The following ZNF527 variants were observed in gnomAD, a reference collection of about 807,000 sequenced individuals.
ZNF527 encodes the protein zinc finger protein 527.
A neutral mutation model predicts 13.5 loss-of-function variants in ZNF527; 5 were observed. That is an observed-to-expected ratio of 0.37 (90% confidence interval 0.19 to 0.78). The LOEUF is 0.78. Ranked by LOEUF, ZNF527 falls within the 30% of genes least tolerant of loss-of-function variation. The pLI is 0.48. For missense variants in ZNF527, 628 were observed against 726.4 expected, an observed-to-expected ratio of 0.86 and a Z score of 1.56; for synonymous variants, 209 against 243.1, an observed-to-expected ratio of 0.86 and a Z score of 1.30.
intron 2 of ZNF527, among the ~76,000 whole-genome samples, chr19:37,375,643 G>A (rs2040602203): frequency 6.6e-6 from 1 of 152,032 alleles, no homozygotes; most frequent in African/African-American, 2.4e-5. Context: ...ACAGGGGTGA[G>A]CCAGTGTGCC....
intron 4 of ZNF527, among the ~76,000 whole-genome samples, chr19:37,387,195 G>C (rs190442725): frequency 6.6e-6 from 1 of 152,136 alleles, no homozygotes; most frequent in African/African-American, 2.4e-5. Flanking sequence ...GCCAAAATAC[G>C]TAGTTCTAAA....
chr19:37,377,484 G>C (rs989961735), intron 2 of ZNF527, among the ~76,000 whole-genome samples: 4 of 152,136 alleles, frequency 2.6e-5, no homozygotes, highest in African/African-American at 9.7e-5. Flanking sequence ...ATAGTAGAGT[G>C]GTTTTGCAGT....
intron 4 of ZNF527, 40 bp from the exon 5 acceptor site, chr19:37,388,266 A>G (rs991655920): frequency 1.8e-5 from 29 of 1,580,870 alleles, no homozygotes; most frequent in Admixed American, 3.7e-5. Context: ...CCTCATAGCA[A>G]AAGAACAAAG....
chr19:37,382,237 T>C (rs2431992), intron 4 of ZNF527, among the ~76,000 whole-genome samples: 148,804 of 152,194 alleles, frequency 0.98, 73,167 homozygotes, highest in Middle Eastern at 1. Flanking sequence ...GATATCACTC[T>C]TTCTGGCCCT....
chr19:37,388,916 T>C lies in ZNF527; in HGVS notation c.867T>C (p.Phe289=), dbSNP rs756080589. The change falls in exon 5 of 5, where the codon TTT becomes TTC. Residue 289 remains phenylalanine, a synonymous_variant. Transcript: ENST00000436120. ...CGDAFSCYSF[F]TQPQRIHSGE... ...ATGCCTTTAGCTGTTACTCATTCTT[T>C]ACTCAACCTCAGAGAATTCACAGTG... The C allele has an allele frequency of 2.9e-5, 46 of 1,613,992 alleles. 2 individuals are homozygous for C. The Middle Eastern group carries it at 3.5e-3, about 121-fold the overall frequency.
At chr19:37,372,966 C>T (rs73629682) in intron 1 of ZNF527, among the ~76,000 whole-genome samples, 3,245 of 152,220 alleles carry the variant, frequency 0.021, 114 homozygotes, top group African/African-American at 0.074. Context: ...ATTGATTACT[C>T]GGGTTGTGTT....
At chr19:37,374,627 A>G (rs941794306) in intron 2 of ZNF527, among the ~76,000 whole-genome samples, 1 of 151,966 alleles carries the variant, frequency 6.6e-6, no homozygotes, top group African/African-American at 2.4e-5. Context: ...GCTTTAAAAG[A>G]AGGAGTACAA....
chr19:37,388,171 A>C (rs117968782), intron 4 of ZNF527, 135 bp from the exon 5 acceptor site: 2 of 908,470 alleles, frequency 2.2e-6, no homozygotes. Context: ...TTGCATGGCC[A>C]TATTTGGGAG....
rs370811841 is a variant in ZNF527, at chr19:37,389,805, G to A, written c.1756G>A (p.Glu586Lys). 11 of 1,613,078 alleles carry A rather than the reference G, an allele frequency of 6.8e-6. No homozygotes were observed. The highest frequency in any genetic ancestry group is 5.0e-5 in the Admixed American group (3 of 59,984). The change falls in exon 5 of 5, where the codon GAA (glutamate) becomes AAA (lysine). Residue 586 changes from glutamate (E) to lysine (K), a missense_variant. This residue lies in a region of ZNF527 where 592 missense variants were observed against 678.0 expected (regional missense o/e 0.87). Transcript: ENST00000436120. ...TGGAGAAAAACCTTATAAATGTAAC[G>A]AATGTGGGAATAATTTTAGCTGTGT... ...HAGEKPYKCN[E>K]CGNNFSCVSA...
At chr19:37,371,679 TG>T (rs2040557966) in intron 1 of ZNF527, among the ~76,000 whole-genome samples, 1 of 152,348 alleles carries the variant, frequency 6.6e-6, no homozygotes, top group Admixed American at 6.5e-5. Context: ...GGTATAGTTT[TG>T]TATCAGTAAT....
intron 3 of ZNF527, chr19:37,379,456 ATTTC>A: frequency 3.3e-6 from 1 of 301,920 alleles, no homozygotes; most frequent in Non-Finnish European, 5.7e-6. Context: ...ACATGAAGTA[ATTTC>A]TTTTTTTTTT....
chr19:37,372,323 C>A (rs1242902300), intron 1 of ZNF527, among the ~76,000 whole-genome samples: 1 of 151,848 alleles, frequency 6.6e-6, no homozygotes. Flanking sequence ...CAATTTCAAG[C>A]TGCACTACAC....
intron 4 of ZNF527, among the ~76,000 whole-genome samples, chr19:37,387,953 G>A (rs2040713677): frequency 1.3e-5 from 2 of 152,210 alleles, no homozygotes; most frequent in African/African-American, 4.8e-5. Context: ...AGAATGGACA[G>A]GAGGGCTTAA....
chr19:37,384,494 C>T lies in ZNF527; in HGVS notation c.257-3812C>T, dbSNP rs77188308. On this transcript the variant is annotated intron_variant, in intron 4 of 4. Coordinates refer to ENST00000436120, the MANE Select transcript of ZNF527 (RefSeq NM_032453.2). ...GCCTAGGCTAGGTGACAGAGCAAGA[C>T]CCTGTCTCAAAAAAAAAAACAAAAT... 2.1e-3 allele frequency among the ~76,000 whole-genome samples: 320 copies of T among 151,654 alleles called. 1 individual carries two copies. Among genetic ancestry groups the T allele is most frequent in the African/African-American group, 7.4e-3 (304 of 41,350 alleles).
Position 37,389,120 on chromosome 19 carries a change from GT to G in ZNF527, c.1074del (p.Phe358LeufsTer70). ...HQRIHTGEKPFACNECGKAFS... is the reference protein window; with the variant it reads ...HQRIHTGEKPXACNECGKAFS... ...AGAGGATCCACACTGGAGAGAAACC[GT>G]TTGCGTGCAATGAATGTGGGAAGGC... On this transcript the variant is annotated frameshift_variant, in exon 5 of 5. Coordinates refer to ENST00000436120, the MANE Select transcript of ZNF527 (RefSeq NM_032453.2). LOFTEE classifies it low-confidence loss of function (END_TRUNC). The G allele has an allele frequency of 1.2e-6, 2 of 1,613,510 alleles. No individual in the cohort carries two copies. Among genetic ancestry groups the G allele is most frequent in the Non-Finnish European group, 1.7e-6 (2 of 1,179,876 alleles).
intron 4 of ZNF527, among the ~76,000 whole-genome samples, chr19:37,381,558 T>C (rs969113760): frequency 6.6e-6 from 1 of 152,246 alleles, no homozygotes; most frequent in Non-Finnish European, 1.5e-5. Flanking sequence ...TTATCGGTGA[T>C]GTTAACTTTG....
intron 4 of ZNF527, among the ~76,000 whole-genome samples, chr19:37,383,780 A>T (rs1371146129): frequency 6.6e-6 from 1 of 151,508 alleles, no homozygotes; most frequent in African/African-American, 2.4e-5. Flanking sequence ...CTTGTGATCC[A>T]CCTGCTTCGG....
intron 4 of ZNF527, chr19:37,385,271 C>G: frequency 2.3e-6 from 1 of 439,690 alleles, no homozygotes; most frequent in Admixed American, 3.9e-5. Flanking sequence ...CACAAGTTTT[C>G]AAGGTTAATG....
rs1418134395 is a variant in ZNF527, at chr19:37,388,307, C to T, written c.258C>T (p.Asp86=). The change falls in exon 5 of 5, where the codon GAC becomes GAT. Residue 86 remains aspartate (D), a splice_region_variant and synonymous_variant. Coordinates refer to ENST00000436120, the MANE Select transcript of ZNF527 (RefSeq NM_032453.2). ...ATTTGCTTTCTTGATATTTTTCAGA[C>T]TGGGAGTCTTGGTGTGAAATTGAGG... ...ERKMSQGHCA[D]WESWCEIEEL... 2 of 1,609,948 alleles carry T rather than the reference C, an allele frequency of 1.2e-6. No homozygotes were observed. Among genetic ancestry groups the T allele is most frequent in the East Asian group, 2.2e-5 (1 of 44,782 alleles).
Sources: allele counts gnomAD v4.1 joint callset (sites outside exome capture counted in the v4.1 genomes callset), GRCh38; gene constraint gnomAD v4.1.1; regional missense constraint gnomAD v4.1.1; transcripts MANE v1.5; gene names NCBI Gene and HGNC (gene_info 2026-07-23, HGNC 2026-07-21).